WWC1: variants seen among roughly 807,000 people sequenced by gnomAD.
The protein encoded by WWC1 is protein KIBRA.
WWC1 carries 55 observed loss-of-function variants against 138.4 expected under a neutral mutation model. The observed-to-expected ratio is 0.40, with a 90% CI of 0.32 to 0.50. The LOEUF (loss-of-function observed/expected upper bound fraction) is 0.50, where lower values mean the gene tolerates loss of function less well. WWC1 is among the 20% of genes least tolerant of loss of function. The pLI, the probability that WWC1 is intolerant of heterozygous loss-of-function variation, is 0.72. For synonymous variants in WWC1, 524 were observed against 564.9 expected (o/e 0.93, Z 1.03); for missense variants, 1,226 against 1,420.4 (o/e 0.86, Z 2.20).
intron 3 of WWC1, among the ~76,000 whole-genome samples, chr5:168,386,377 C>CTTTTTTTTTTTTTTT (rs59691686): frequency 1.4e-5 from 2 of 143,930 alleles, no homozygotes; most frequent in Non-Finnish European, 1.5e-5. Flanking sequence ...TCCCCTTGTT[C>CTTTTTTTTTTTTTTT]TTTTTTTTTT....
chr5:168,416,032 A>C (rs6876635), intron 9 of WWC1: 1 of 151,688 alleles, frequency 6.6e-6, no homozygotes, highest in Non-Finnish European at 1.5e-5. Context: ...GGGCTTCCAG[A>C]GAGCCTTTGA....
chr5:168,372,864 G>A (rs1438536595), intron 2 of WWC1, among the ~76,000 whole-genome samples: 1 of 152,226 alleles, frequency 6.6e-6, no homozygotes, highest in Admixed American at 6.5e-5. Context: ...TCTAGTCCCA[G>A]GCCTTTGCCT....
chr5:168,397,844 C>T (rs189349374), intron 4 of WWC1, 44 bp downstream of exon 4: 1 of 1,609,120 alleles, frequency 6.2e-7, no homozygotes, highest in East Asian at 2.2e-5. Flanking sequence ...ATTGGGGCCA[C>T]TGAGGTCTTA....
intron 1 of WWC1, among the ~76,000 whole-genome samples, chr5:168,313,883 C>G (rs1205029647): frequency 6.6e-6 from 1 of 152,212 alleles, no homozygotes; most frequent in African/African-American, 2.4e-5. Flanking sequence ...CCCAGAGCCC[C>G]ATGTGAAATA....
chr5:168,445,701 C>CAAA (rs763044458), intron 17 of WWC1, among the ~76,000 whole-genome samples: 35 of 50,612 alleles, frequency 6.9e-4, no homozygotes, highest in Admixed American at 1.6e-3. Context: ...GACTCTGTCT[C>CAAA]AAAAAAAAAA....
chr5:168,392,504 T>C (rs1778580323), intron 3 of WWC1, among the ~76,000 whole-genome samples: 1 of 151,888 alleles, frequency 6.6e-6, no homozygotes, highest in South Asian at 2.1e-4. Flanking sequence ...CTGGGCAACA[T>C]AGTAAGACCC....
intron 1 of WWC1, among the ~76,000 whole-genome samples, chr5:168,365,218 C>T (rs1456372718): frequency 6.6e-6 from 1 of 152,156 alleles, no homozygotes; most frequent in Non-Finnish European, 1.5e-5. Context: ...TGTGAAACAG[C>T]CCAGGGCGGG....
intron 15 of WWC1, among the ~76,000 whole-genome samples, chr5:168,435,791 G>A (rs1782302345): frequency 6.6e-6 from 1 of 152,068 alleles, no homozygotes; most frequent in Non-Finnish European, 1.5e-5. Context: ...CTTGAAAGAG[G>A]TGTTCCCTTC....
At chr5:168,332,324 A>G (rs1165234415) in intron 1 of WWC1, among the ~76,000 whole-genome samples, 1 of 152,186 alleles carries the variant, frequency 6.6e-6, no homozygotes, top group African/African-American at 2.4e-5. Context: ...AGAGTCATAT[A>G]ATAAAGGCCA....
intron 10 of WWC1, 124 bp downstream of exon 10, chr5:168,422,221 C>T (rs1454269381): frequency 2.2e-6 from 2 of 923,192 alleles, no homozygotes; most frequent in Non-Finnish European, 3.4e-6. Context: ...TGTTTAGAAG[C>T]ATAGCAAATG....
intron 1 of WWC1, among the ~76,000 whole-genome samples, chr5:168,301,204 GA>G (rs1272117064): frequency 6.6e-6 from 1 of 152,098 alleles, no homozygotes; most frequent in Non-Finnish European, 1.5e-5. Context: ...TTCCACTATG[GA>G]AAAAAATGTG....
intron 3 of WWC1, among the ~76,000 whole-genome samples, chr5:168,390,598 G>A (rs562510258): frequency 6.6e-5 from 10 of 152,324 alleles, no homozygotes; most frequent in Admixed American, 6.5e-5. Context: ...TCATGACTCT[G>A]TCTTCAAGTT....
intron 1 of WWC1, among the ~76,000 whole-genome samples, chr5:168,331,468 C>G (rs982692373): frequency 2.0e-5 from 3 of 152,150 alleles, no homozygotes; most frequent in African/African-American, 7.2e-5. Context: ...CTGGGTCATG[C>G]TGGAATTTGA....
At chr5:168,466,009 C>G (rs1757268408) in intron 21 of WWC1, among the ~76,000 whole-genome samples, 1 of 152,176 alleles carries the variant, frequency 6.6e-6, no homozygotes, top group Admixed American at 6.5e-5. Flanking sequence ...TTAGGTAGCT[C>G]TGCAGCACGA....
intron 8 of WWC1, chr5:168,414,140 T>C (rs1780417290): frequency 1.6e-6 from 1 of 625,544 alleles, no homozygotes; most frequent in African/African-American, 1.8e-5. Context: ...CTGCACCCCA[T>C]TCCTGCAGAG....
chr5:168,376,235 G>C (rs1276356343), intron 2 of WWC1, among the ~76,000 whole-genome samples: 5 of 151,932 alleles, frequency 3.3e-5, no homozygotes, highest in African/African-American at 1.2e-4. Context: ...TGTATTTTTA[G>C]TAGAGATGGG....
intron 6 of WWC1, among the ~76,000 whole-genome samples, chr5:168,406,921 G>A (rs925468163): frequency 2.6e-5 from 4 of 151,698 alleles, no homozygotes; most frequent in Admixed American, 1.3e-4. Context: ...TGGCCTGGGC[G>A]AAACAGTGAG....
intron 20 of WWC1, among the ~76,000 whole-genome samples, chr5:168,462,726 C>T (rs1025029605): frequency 3.9e-5 from 6 of 152,230 alleles, no homozygotes; most frequent in Admixed American, 3.9e-4. Context: ...ACATTTCCCT[C>T]GGGTCCTGAG....
intron 1 of WWC1, among the ~76,000 whole-genome samples, chr5:168,367,603 G>A (rs1776412018): frequency 6.6e-6 from 1 of 152,194 alleles, no homozygotes; most frequent in Non-Finnish European, 1.5e-5. Context: ...ACAGGCATGA[G>A]CCACTGCGCC....
Sources: gnomAD v4.1 joint callset for allele counts (sites outside exome capture counted in the v4.1 genomes callset) on GRCh38, gnomAD v4.1.1 for gene constraint, MANE v1.5 for transcripts, NCBI Gene and HGNC (gene_info 2026-07-23, HGNC 2026-07-21) for gene names.